MAP3K5: variants seen among roughly 807,000 people sequenced by gnomAD.
MAP3K5 encodes ASK-1.
MAP3K5 carries 56 observed loss-of-function variants against 158.7 expected under a neutral mutation model. The ratio of observed to expected loss-of-function variants is 0.35; its 90% CI spans 0.28 to 0.44. MAP3K5 has a LOEUF of 0.44. Ranked by LOEUF, MAP3K5 falls within the 20% of genes least tolerant of loss-of-function variation. The probability of loss-of-function intolerance (pLI) is 1.00; values close to 1 mark genes in which losing one functional copy is unlikely to be tolerated. For missense variants in MAP3K5, 1,294 were observed against 1,674.8 expected (o/e 0.77, Z 3.97); for synonymous variants, 579 against 601.7 (o/e 0.96, Z 0.55).
chr6:136,617,434 C>T (rs144206968), intron 15 of MAP3K5, among the ~76,000 whole-genome samples: 257 of 152,302 alleles, frequency 1.7e-3, no homozygotes, highest in African/African-American at 6.0e-3. Context: ...CCATAGGTAT[C>T]GCCAGACATC....
chr6:136,593,882 C>A (rs998514765), intron 21 of MAP3K5, among the ~76,000 whole-genome samples: 1 of 152,142 alleles, frequency 6.6e-6, no homozygotes, highest in Non-Finnish European at 1.5e-5. Flanking sequence ...TTGGGCTGAA[C>A]TGAATCAACT....
chr6:136,609,414 T>C lies in MAP3K5; in HGVS notation c.2521+1868A>G, dbSNP rs1046299716. 4.6e-5 allele frequency among the ~76,000 whole-genome samples: 7 copies of C among 152,074 alleles called. No homozygotes were observed. Among genetic ancestry groups the C allele is most frequent in the African/African-American group, 1.4e-4 (6 of 41,394 alleles). ...CTCTAGGGAAAAAACTTACACAGAATGTCTCTCTCTCCTCCTGCAGGAAGG... is the reference window on the plus strand; with the variant it reads ...CTCTAGGGAAAAAACTTACACAGAACGTCTCTCTCTCCTCCTGCAGGAAGG... On this transcript the variant is annotated intron_variant, in intron 18 of 29. Transcript: ENST00000359015. This position sits in a 1 kb window ranked among gnomAD's most constrained non-coding sequence, Gnocchi z 4.4.
At chr6:136,588,367 C>T (rs960408246) in intron 23 of MAP3K5, among the ~76,000 whole-genome samples, 1 of 152,032 alleles carries the variant, frequency 6.6e-6, no homozygotes, top group African/African-American at 2.4e-5. Flanking sequence ...TTTCCTCATT[C>T]GTAAAATGAG....
intron 1 of MAP3K5, among the ~76,000 whole-genome samples, chr6:136,728,029 TCTC>T (rs1169966038): frequency 1.3e-5 from 2 of 151,878 alleles, no homozygotes; most frequent in African/African-American, 4.8e-5. Context: ...GACACAAAAA[TCTC>T]CTACATTTTT....
At chr6:136,760,883 T>G (rs1390094327) in intron 1 of MAP3K5, among the ~76,000 whole-genome samples, 1 of 152,160 alleles carries the variant, frequency 6.6e-6, no homozygotes, top group Non-Finnish European at 1.5e-5. Flanking sequence ...GGCATGAGAA[T>G]GGCTTGAGCT....
intron 1 of MAP3K5, among the ~76,000 whole-genome samples, chr6:136,758,247 C>A (rs1365189874): frequency 1.3e-5 from 2 of 152,088 alleles, no homozygotes; most frequent in African/African-American, 4.8e-5. Flanking sequence ...CAAATTTGTT[C>A]TTATATAATA....
chr6:136,792,592 C>T (rs1785137653), upstream of MAP3K5: 1 of 163,580 alleles, frequency 6.1e-6, no homozygotes, highest in East Asian at 1.9e-4. This position sits in a 1 kb window ranked among gnomAD's most constrained non-coding sequence, Gnocchi z 5.7. Context: ...CCCGGCCGCT[C>T]TGGGAGGGGC....
intron 1 of MAP3K5, among the ~76,000 whole-genome samples, chr6:136,751,181 C>A (rs1186692837): frequency 6.7e-6 from 1 of 149,562 alleles, no homozygotes; most frequent in Non-Finnish European, 1.5e-5. Context: ...GATTTTACCA[C>A]CTTCATTTTT....
At chr6:136,730,747 T>C (rs1406427916) in intron 1 of MAP3K5, among the ~76,000 whole-genome samples, 17 of 128,742 alleles carry the variant, frequency 1.3e-4, no homozygotes, top group African/African-American at 5.1e-4. Context: ...AAAAAAAGAG[T>C]CACAGCAATG....
chr6:136,636,283 C>T (rs1487281075), intron 14 of MAP3K5, among the ~76,000 whole-genome samples: 1 of 152,052 alleles, frequency 6.6e-6, no homozygotes, highest in Non-Finnish European at 1.5e-5. Context: ...CAACAGGGCA[C>T]CTTCTATGAG....
intron 1 of MAP3K5, among the ~76,000 whole-genome samples, chr6:136,768,945 G>A (rs1582671190): frequency 6.6e-6 from 1 of 151,468 alleles, no homozygotes; most frequent in African/African-American, 2.4e-5. Flanking sequence ...AAAATGGCTT[G>A]GTGATTCCTC....
At chr6:136,567,548 A>T in intron 26 of MAP3K5, 83 bp downstream of exon 26, 2 of 1,376,214 alleles carry the variant, frequency 1.5e-6, no homozygotes, top group Non-Finnish European at 2.0e-6. Flanking sequence ...GGGATAAGGG[A>T]ATCATATTCT....
chr6:136,684,174 C>T (rs758124844), intron 7 of MAP3K5, among the ~76,000 whole-genome samples: 1 of 151,694 alleles, frequency 6.6e-6, no homozygotes, highest in Non-Finnish European at 1.5e-5. Flanking sequence ...AGGGCTGCAG[C>T]GAGCTGTGAT....
At chr6:136,689,676 T>G (rs1339423750) in intron 7 of MAP3K5, among the ~76,000 whole-genome samples, 1 of 152,164 alleles carries the variant, frequency 6.6e-6, no homozygotes, top group African/African-American at 2.4e-5. Flanking sequence ...TCAGCCCCAT[T>G]TGCCCACTCT....
At chr6:136,638,815 A>G (rs1777775380) in intron 13 of MAP3K5, among the ~76,000 whole-genome samples, 1 of 152,238 alleles carries the variant, frequency 6.6e-6, no homozygotes, top group Admixed American at 6.5e-5. Flanking sequence ...TTCAAATAGT[A>G]ATTATTTAAA....
chr6:136,562,442 T>G, intron 27 of MAP3K5, 61 bp downstream of exon 27: 1 of 791,194 alleles, frequency 1.3e-6, no homozygotes, highest in Non-Finnish European at 2.0e-6. Flanking sequence ...CCTGTTGGCT[T>G]TCTTGGCTTT....
chr6:136,687,586 AC>A (rs200276063), intron 7 of MAP3K5, among the ~76,000 whole-genome samples: 13 of 152,258 alleles, frequency 8.5e-5, no homozygotes, highest in East Asian at 7.7e-4. Flanking sequence ...CAGAAAAAAA[AC>A]AATCCCATCA....
At chr6:136,598,830 T>C (rs1203964430) in intron 21 of MAP3K5, among the ~76,000 whole-genome samples, 1 of 152,112 alleles carries the variant, frequency 6.6e-6, no homozygotes, top group Non-Finnish European at 1.5e-5. Context: ...AATAGGTCAT[T>C]GTTTCAATTG....
At chr6:136,740,918 T>C (rs1782680606) in intron 1 of MAP3K5, among the ~76,000 whole-genome samples, 1 of 152,206 alleles carries the variant, frequency 6.6e-6, no homozygotes, top group South Asian at 2.1e-4. Flanking sequence ...TTTTTACTTG[T>C]TTTGAAAATG....
Sources: allele counts gnomAD v4.1 joint callset (sites outside exome capture counted in the v4.1 genomes callset), GRCh38; gene constraint gnomAD v4.1.1; non-coding constraint Gnocchi (gnomAD v3.1); transcripts MANE v1.5; gene names NCBI Gene and HGNC (gene_info 2026-07-23, HGNC 2026-07-21).